Variants in GRIA1 observed in about 807,000 individuals in gnomAD.
GRIA1 encodes the protein glutamate ionotropic receptor AMPA type subunit 1, also known as glutamate receptor 1.
Under a neutral mutation model 99.2 loss-of-function variants are expected in GRIA1, and 31 were observed. The ratio of observed to expected loss-of-function variants is 0.31; its 90% CI spans 0.23 to 0.42. GRIA1 has a LOEUF of 0.42. Among genes scored for constraint, GRIA1 ranks in the 10% least tolerant of loss-of-function variants. The pLI, the probability that GRIA1 is intolerant of heterozygous loss-of-function variation, is 1.00. For synonymous variants in GRIA1, 438 were observed against 432.4 expected (o/e 1.01, Z -0.16); for missense variants, 782 against 1,157.5 (o/e 0.68, Z 4.71).
At chr5:153,515,568 A>C (rs1756535731) in intron 2 of GRIA1, among the ~76,000 whole-genome samples, 1 of 152,328 alleles carries the variant, frequency 6.6e-6, no homozygotes, top group African/African-American at 2.4e-5. Context: ...GACTGTAGTT[A>C]ATAATATATT....
At chr5:153,530,224 A>G (rs2113425945) in intron 2 of GRIA1, among the ~76,000 whole-genome samples, 1 of 152,340 alleles carries the variant, frequency 6.6e-6, no homozygotes. Flanking sequence ...CTCAGGTCAC[A>G]TAGCTAATAG....
chr5:153,532,087 C>T (rs1227329532), intron 2 of GRIA1, among the ~76,000 whole-genome samples: 4 of 152,136 alleles, frequency 2.6e-5, no homozygotes, highest in Non-Finnish European at 5.9e-5. Flanking sequence ...GGGTGTCACT[C>T]TTTTACAGCC....
intron 9 of GRIA1, among the ~76,000 whole-genome samples, chr5:153,698,546 T>C (rs1003978862): frequency 3.9e-5 from 6 of 152,210 alleles, no homozygotes; most frequent in Non-Finnish European, 7.3e-5. Context: ...ATGAGAAACC[T>C]GGAGCCTGTT....
intron 2 of GRIA1, among the ~76,000 whole-genome samples, chr5:153,518,843 G>T (rs1581165095): frequency 6.6e-6 from 1 of 152,176 alleles, no homozygotes; most frequent in Non-Finnish European, 1.5e-5. Flanking sequence ...TTAGTAAGTG[G>T]CTGAGTGAAT....
chr5:153,742,850 A>T (rs1761904390), intron 11 of GRIA1, among the ~76,000 whole-genome samples: 1 of 152,164 alleles, frequency 6.6e-6, no homozygotes, highest in South Asian at 2.1e-4. Context: ...CCACCTGGAA[A>T]ATCTTCCTAT....
At chr5:153,784,424 G>A (rs1024142266) in intron 13 of GRIA1, among the ~76,000 whole-genome samples, 3 of 152,000 alleles carry the variant, frequency 2.0e-5, no homozygotes, top group African/African-American at 2.4e-5. Context: ...ATTAATTTGT[G>A]TCATTTGTAC....
chr5:153,531,664 T>C (rs1287248225), intron 2 of GRIA1, among the ~76,000 whole-genome samples: 3 of 152,162 alleles, frequency 2.0e-5, no homozygotes, highest in African/African-American at 7.2e-5. Flanking sequence ...AAGCAGAAGA[T>C]GGAAGATCAG....
chr5:153,780,185 C>T (rs978068665), intron 13 of GRIA1, among the ~76,000 whole-genome samples: 6 of 152,062 alleles, frequency 3.9e-5, no homozygotes, highest in Non-Finnish European at 7.4e-5. Context: ...AGGTCTTTTG[C>T]GTTTTCTAGG....
chr5:153,622,169 G>A (rs1436617965), intron 2 of GRIA1, among the ~76,000 whole-genome samples: 1 of 152,200 alleles, frequency 6.6e-6, no homozygotes. Flanking sequence ...AATCCTGGAG[G>A]TGGAGCCCAG....
At chr5:153,788,093 A>T (rs900281271) in intron 13 of GRIA1, among the ~76,000 whole-genome samples, 2 of 152,120 alleles carry the variant, frequency 1.3e-5, no homozygotes, top group African/African-American at 2.4e-5. Context: ...AAGAAAAAAA[A>T]AAAAATTAGT....
intron 4 of GRIA1, among the ~76,000 whole-genome samples, chr5:153,652,009 T>C (rs988774086): frequency 2.6e-5 from 4 of 152,190 alleles, no homozygotes; most frequent in Non-Finnish European, 5.9e-5. Context: ...TAATAGCCAC[T>C]TTTAGAGGGC....
chr5:153,542,624 A>G (rs1759230059), intron 2 of GRIA1, among the ~76,000 whole-genome samples: 1 of 152,272 alleles, frequency 6.6e-6, no homozygotes, highest in Non-Finnish European at 1.5e-5. Flanking sequence ...GAAGGTTTAC[A>G]GCAGATATAC....
intron 2 of GRIA1, among the ~76,000 whole-genome samples, chr5:153,524,268 A>G (rs1183756614): frequency 6.6e-6 from 1 of 152,240 alleles, no homozygotes; most frequent in African/African-American, 2.4e-5. Flanking sequence ...CGGAGGTTGC[A>G]GTGAGCCAAG....
chr5:153,628,000 C>A (rs1484296056), intron 2 of GRIA1, among the ~76,000 whole-genome samples: 1 of 152,174 alleles, frequency 6.6e-6, no homozygotes, highest in Non-Finnish European at 1.5e-5. Context: ...GGCAGGCTAG[C>A]ATTGATGCAA....
chr5:153,795,622 C>T (rs1249603161), intron 14 of GRIA1: 5 of 1,284,072 alleles, frequency 3.9e-6, no homozygotes, highest in Non-Finnish European at 5.7e-6. Flanking sequence ...TCACGCACAC[C>T]TGTAACAAAA....
At chr5:153,741,469 G>T (rs1327274783) in intron 11 of GRIA1, among the ~76,000 whole-genome samples, 1 of 152,122 alleles carries the variant, frequency 6.6e-6, no homozygotes, top group Non-Finnish European at 1.5e-5. Flanking sequence ...ATTTATTACA[G>T]CCCTATTCAC....
At chr5:153,569,506 G>C (rs1039429964) in intron 2 of GRIA1, among the ~76,000 whole-genome samples, 2 of 152,236 alleles carry the variant, frequency 1.3e-5, no homozygotes, top group Non-Finnish European at 2.9e-5. Flanking sequence ...CCTCCCTGCT[G>C]CTGAGCAGCT....
intron 2 of GRIA1, among the ~76,000 whole-genome samples, chr5:153,640,629 T>C (rs1753719743): frequency 6.6e-6 from 1 of 152,222 alleles, no homozygotes; most frequent in Admixed American, 6.5e-5. Context: ...CTGACTATAA[T>C]AGCAGTTATG....
chr5:153,687,772 T>C (rs1468161356), intron 8 of GRIA1, among the ~76,000 whole-genome samples: 2 of 152,236 alleles, frequency 1.3e-5, no homozygotes, highest in African/African-American at 4.8e-5. Flanking sequence ...TCTGCTCTTA[T>C]GTCTAGAACC....
Sources: gnomAD v4.1 joint callset for allele counts (sites outside exome capture counted in the v4.1 genomes callset) on GRCh38, gnomAD v4.1.1 for gene constraint, MANE v1.5 for transcripts, NCBI Gene and HGNC (gene_info 2026-07-23, HGNC 2026-07-21) for gene names.